The following PHF3 variants were observed in gnomAD, a reference collection of about 807,000 sequenced individuals.
The protein encoded by PHF3 is PHD finger protein 3.
Under a neutral mutation model 178.4 loss-of-function variants are expected in PHF3, and 41 were observed. The ratio of observed to expected loss-of-function variants is 0.23; its 90% CI spans 0.18 to 0.30. PHF3 has a LOEUF of 0.30. Ranked by LOEUF, PHF3 falls within the 10% of genes least tolerant of loss-of-function variation. The pLI is 1.00. For missense variants in PHF3, 2,346 were observed against 2,398.1 expected (o/e 0.98, Z 0.45); for synonymous variants, 842 against 800.5 (o/e 1.05, Z -0.88).
At chr6:63,669,815 T>A (rs1450156078) in intron 2 of PHF3, among the ~76,000 whole-genome samples, 1 of 152,182 alleles carries the variant, frequency 6.6e-6, no homozygotes, top group Non-Finnish European at 1.5e-5. Context: ...CATTATAGAA[T>A]GGAGCAAGAT....
At position 63,685,166 on chromosome 6, in the gene PHF3, G is replaced by C; in HGVS notation, c.1444G>C (p.Glu482Gln). Residue 482 changes from glutamate (E) to glutamine (Q), a missense_variant, in exon 4 of 16, where the codon GAG becomes CAG. Physicochemically the swap from Glu to Gln is conservative, Grantham distance 29. Around this residue, in one of 8 missense-constraint regions of PHF3, gnomAD observed 843 missense variants for 795.2 expected, o/e 1.06. Transcript: ENST00000262043. ...NSQSSSVSYL[E>Q]SKSVKSKHTK... is the part of the protein sequence containing the mutation. ...CCAGTCAAGTAGCGTTTCTTACTTA[G>C]AGTCAAAAAGTGTAAAATCCAAACA... The C allele has an allele frequency of 6.2e-7, 1 of 1,613,916 alleles. No individual in the cohort carries two copies.
chr6:63,670,006 A>C (rs558199321), intron 2 of PHF3, among the ~76,000 whole-genome samples: 1 of 151,978 alleles, frequency 6.6e-6, no homozygotes, highest in African/African-American at 2.4e-5. Flanking sequence ...CATATCTTTA[A>C]TCTCTTTAAT....
intron 1 of PHF3, among the ~76,000 whole-genome samples, chr6:63,642,558 T>G (rs1439821883): frequency 6.6e-6 from 1 of 152,214 alleles, no homozygotes; most frequent in Non-Finnish European, 1.5e-5. Flanking sequence ...TCTGTAAAAA[T>G]GAATTTACCC....
At chr6:63,656,831 T>G (rs183450388) in intron 2 of PHF3, among the ~76,000 whole-genome samples, 1 of 152,334 alleles carries the variant, frequency 6.6e-6, no homozygotes, top group East Asian at 1.9e-4. Context: ...TTTAACTCAT[T>G]GTTTCTTAGC....
chr6:63,637,894 T>G (rs534240488), intron 1 of PHF3, among the ~76,000 whole-genome samples: 60 of 152,352 alleles, frequency 3.9e-4, no homozygotes, highest in African/African-American at 1.4e-3. Context: ...GCCTCTTATT[T>G]ACATTTTTTA....
chr6:63,707,971 T>G (rs1476637402), intron 13 of PHF3, among the ~76,000 whole-genome samples: 1 of 152,020 alleles, frequency 6.6e-6, no homozygotes, highest in East Asian at 1.9e-4. Flanking sequence ...GGTTCAACCA[T>G]TCTCCTGTCT....
At chr6:63,704,381 T>C (rs1042288481) in intron 11 of PHF3, among the ~76,000 whole-genome samples, 7 of 151,952 alleles carry the variant, frequency 4.6e-5, no homozygotes, top group Admixed American at 3.3e-4. Context: ...AAAAATCCTC[T>C]TTACTCTGTC....
At position 63,684,608 on chromosome 6, in the gene PHF3, C is replaced by G; in HGVS notation, c.886C>G (p.Gln296Glu). ...FKFSDKEEHEQNDSISGKTGE... is the reference protein window; with the variant it reads ...FKFSDKEEHEENDSISGKTGE... Reference sequence around the variant, plus strand: ...GTTTTCAGATAAAGAAGAACATGAACAAAATGATTCCATTTCAGGTAAAAC... The same window carrying G: ...GTTTTCAGATAAAGAAGAACATGAAGAAAATGATTCCATTTCAGGTAAAAC... The change falls in exon 4 of 16, where the codon CAA (glutamine) becomes GAA (glutamate). Residue 296 changes from glutamine to glutamate, a missense_variant. Around this residue, in one of 8 missense-constraint regions of PHF3, gnomAD observed 843 missense variants for 795.2 expected, o/e 1.06. Transcript: ENST00000262043. 2 of 1,613,824 alleles carry G rather than the reference C, an allele frequency of 1.2e-6. No individual in the cohort carries two copies. The highest frequency in any genetic ancestry group is 1.7e-5 in the Admixed American group (1 of 60,006).
At position 63,712,457 on chromosome 6, in the gene PHF3, A is replaced by G; in HGVS notation, c.4869A>G (p.Gly1623=). The G allele has an allele frequency of 5.6e-6, 9 of 1,614,072 alleles. No individual in the cohort carries two copies. The highest frequency in any genetic ancestry group is 7.6e-6 in the Non-Finnish European group (9 of 1,179,954). The part of the protein sequence containing the change: ...SSPCRSNVGK[G]NIDGNVSCSE... ...CATGCAGATCTAATGTAGGAAAAGGAAACATAGATGGTAATGTGAGCTGTA... is the reference window on the plus strand; with the variant it reads ...CATGCAGATCTAATGTAGGAAAAGGGAACATAGATGGTAATGTGAGCTGTA... Residue 1623 remains glycine, a synonymous_variant, in exon 16 of 16, where the codon GGA becomes GGG. Coordinates refer to ENST00000262043, the MANE Select transcript of PHF3 (RefSeq NM_001370348.2).
rs1374273439 is a variant in PHF3, at chr6:63,709,254, T to G, written c.3801+14T>G. ...TCAGGAACCAAGGTGAGGAAAACTT[T>G]TTTCACTATACCAGCATGGGAAAAT... On this transcript the variant is annotated intron_variant, in intron 14 of 15. Transcript: ENST00000262043. The G allele has an allele frequency of 5.3e-6, 8 of 1,502,726 alleles. No homozygotes were observed. The African/African-American group carries it at 1.1e-4, about 21-fold the overall frequency. 93.1% of individuals were successfully genotyped at this position (1,502,726 alleles called of 1,614,324 possible).
At chr6:63,689,020 A>G (rs1366745888) in intron 4 of PHF3, among the ~76,000 whole-genome samples, 1 of 152,224 alleles carries the variant, frequency 6.6e-6, no homozygotes, top group Non-Finnish European at 1.5e-5. Context: ...TGTCATGGCT[A>G]GATGTGATAT....
At chr6:63,699,298 C>T (rs1403434180) in intron 8 of PHF3, among the ~76,000 whole-genome samples, 1 of 152,148 alleles carries the variant, frequency 6.6e-6, no homozygotes, top group South Asian at 2.1e-4. Context: ...TGACTGATCT[C>T]TTGTGTGTGA....
intron 2 of PHF3, among the ~76,000 whole-genome samples, chr6:63,669,062 TTTAAA>T (rs1319713253): frequency 6.6e-6 from 1 of 152,226 alleles, no homozygotes; most frequent in Non-Finnish European, 1.5e-5. Flanking sequence ...TTGATCATGC[TTTAAA>T]TTAAATTTGA....
intron 13 of PHF3, among the ~76,000 whole-genome samples, chr6:63,707,374 A>G (rs1027894779): frequency 1.3e-5 from 2 of 152,204 alleles, no homozygotes; most frequent in African/African-American, 4.8e-5. Context: ...AACCAGTGAG[A>G]CTAGTGACTG....
At chr6:63,656,906 G>C (rs540238389) in intron 2 of PHF3, among the ~76,000 whole-genome samples, 1 of 152,222 alleles carries the variant, frequency 6.6e-6, no homozygotes, top group African/African-American at 2.4e-5. Flanking sequence ...GCATTGTTAG[G>C]TTGCCTTTCC....
In PHF3 at chr6:63,716,870, A is replaced by G. The variant is rs909767824; in HGVS notation, c.*3162A>G. ...TGACCCCACCCAGATAATCCAGGGT[A>G]ATGTTCCTATTTTCAGGTCAGCTGA... On this transcript the variant is annotated 3_prime_UTR_variant, in exon 16 of 16. Transcript: ENST00000262043. 6.6e-6 allele frequency among the ~76,000 whole-genome samples: 1 copy of G among 151,992 alleles called. No individual in the cohort carries two copies. Among genetic ancestry groups the G allele is most frequent in the African/African-American group, 2.4e-5 (1 of 41,410 alleles).
chr6:63,659,256 T>G (rs899445470), intron 2 of PHF3, among the ~76,000 whole-genome samples: 3 of 152,192 alleles, frequency 2.0e-5, no homozygotes, highest in Non-Finnish European at 4.4e-5. Flanking sequence ...CATATATTAT[T>G]GTCAACTAAA....
Position 63,684,147 on chromosome 6 carries a change from G to T in PHF3, c.425G>T (p.Arg142Leu). 6.2e-7 allele frequency: 1 copy of T among 1,604,010 alleles called. No homozygotes were observed. Among genetic ancestry groups the T allele is most frequent in the Non-Finnish European group, 8.5e-7 (1 of 1,176,508 alleles). The change falls in exon 4 of 16, where the codon CGA (arginine) becomes CTA (leucine). Residue 142 changes from arginine (R) to leucine (L), a missense_variant. Physicochemically the swap from Arg to Leu is moderately radical, Grantham distance 102. This residue lies in a region of PHF3 where 843 missense variants were observed against 795.2 expected (regional missense o/e 1.06). Coordinates refer to ENST00000262043, the MANE Select transcript of PHF3 (RefSeq NM_001370348.2). ...GTGATAGAACAAGTAAGAAGTTTGC[G>T]ACAGAGCACTATTGCCAAGCGTTCA... ...LMAQEQVRSL[R>L]QSTIAKRSNA...
chr6:63,651,071 A>G (rs1290144755), intron 2 of PHF3, among the ~76,000 whole-genome samples: 1 of 152,162 alleles, frequency 6.6e-6, no homozygotes, highest in Non-Finnish European at 1.5e-5. Context: ...AACCTTTTAC[A>G]TTAATAACTT....
Sources: allele counts gnomAD v4.1 joint callset (sites outside exome capture counted in the v4.1 genomes callset), GRCh38; gene constraint gnomAD v4.1.1; regional missense constraint gnomAD v4.1.1; transcripts MANE v1.5; gene names NCBI Gene and HGNC (gene_info 2026-07-23, HGNC 2026-07-21).